TMSB15B: variants seen among roughly 807,000 people sequenced by gnomAD.
TMSB15B encodes thymosin beta-15B.
chrX:103,942,309 A>G (rs1556325614), intron 1 of TMSB15B, among the ~76,000 whole-genome samples: 1 of 111,821 alleles, frequency 8.9e-6, no homozygotes, highest in Non-Finnish European at 1.9e-5. Flanking sequence ...ATGAGAATAG[A>G]GGTCCAATGT....
At chrX:103,920,767 G>C (rs149830350) in intron 1 of TMSB15B, among the ~76,000 whole-genome samples, 3,833 of 112,194 alleles carry the variant, frequency 0.034, 176 homozygotes, top group African/African-American at 0.12. Context: ...CTCAAGGACA[G>C]GTTGCTAGGT....
intron 1 of TMSB15B, among the ~76,000 whole-genome samples, chrX:103,927,196 C>G (rs1464034527): frequency 6.3e-5 from 7 of 111,014 alleles, no homozygotes; most frequent in Admixed American, 1.9e-4. Flanking sequence ...AGTTTTGCCT[C>G]CCTGGGGACG....
At chrX:103,946,415 A>G (rs1280386043) in intron 1 of TMSB15B, among the ~76,000 whole-genome samples, 1 of 112,459 alleles carries the variant, frequency 8.9e-6, no homozygotes. Flanking sequence ...AAGAGTACGC[A>G]TAAATGCTTA....
At chrX:103,952,876 G>A (rs1556328532) in intron 1 of TMSB15B, among the ~76,000 whole-genome samples, 2 of 111,470 alleles carry the variant, frequency 1.8e-5, no homozygotes, top group Admixed American at 9.5e-5. Context: ...TTGCTCCTTC[G>A]CTGTGCTCAG....
chrX:103,945,228 G>A (rs2075022539), intron 1 of TMSB15B, among the ~76,000 whole-genome samples: 1 of 112,244 alleles, frequency 8.9e-6, no homozygotes, highest in Non-Finnish European at 1.9e-5. Context: ...CGTCCATTTT[G>A]TGTTGCTATA....
At chrX:103,946,615 A>G (rs782603605) in intron 1 of TMSB15B, among the ~76,000 whole-genome samples, 2 of 112,247 alleles carry the variant, frequency 1.8e-5, no homozygotes, top group Non-Finnish European at 3.8e-5. Flanking sequence ...CATATAGTAC[A>G]TACAGTAAAT....
chrX:103,952,022 A>G (rs1556328367), intron 1 of TMSB15B, among the ~76,000 whole-genome samples: 1 of 111,349 alleles, frequency 9.0e-6, no homozygotes. Context: ...GGACAATGTC[A>G]TGGAGGAGAA....
At chrX:103,951,500 G>A (rs1269325087) in intron 1 of TMSB15B, among the ~76,000 whole-genome samples, 1 of 111,993 alleles carries the variant, frequency 8.9e-6, no homozygotes, top group East Asian at 2.8e-4. Flanking sequence ...TAAGGGACAG[G>A]AGACCTGTAG....
At chrX:103,943,927 A>G (rs1478062123) in intron 1 of TMSB15B, among the ~76,000 whole-genome samples, 1 of 112,034 alleles carries the variant, frequency 8.9e-6, no homozygotes, top group African/African-American at 3.2e-5. Flanking sequence ...GTACTTATCA[A>G]CCTTGATGTA....
At chrX:103,923,068 C>A (rs782453509) in intron 1 of TMSB15B, among the ~76,000 whole-genome samples, 131 of 112,004 alleles carry the variant, frequency 1.2e-3, no homozygotes, top group South Asian at 2.2e-3. Context: ...TTTTCTTGTA[C>A]ATTTGTTTAG....
chrX:103,951,550 T>C (rs782604520), intron 1 of TMSB15B, among the ~76,000 whole-genome samples: 20 of 112,052 alleles, frequency 1.8e-4, no homozygotes, highest in African/African-American at 6.5e-4. Context: ...TTGGAGTTCA[T>C]GGTCATGAAG....
chrX:103,941,856 T>C (rs1294720255), intron 1 of TMSB15B, among the ~76,000 whole-genome samples: 1 of 112,222 alleles, frequency 8.9e-6, no homozygotes, highest in African/African-American at 3.2e-5. Flanking sequence ...TATAATTTGA[T>C]TTTCCTGATT....
intron 1 of TMSB15B, among the ~76,000 whole-genome samples, chrX:103,935,872 G>C (rs1556321504): frequency 1.1e-5 from 1 of 91,292 alleles, no homozygotes; most frequent in Admixed American, 1.2e-4. Flanking sequence ...TTGAGATGGA[G>C]TTTCACTCTT....
intron 1 of TMSB15B, among the ~76,000 whole-genome samples, chrX:103,937,686 T>G (rs2075001909): frequency 8.9e-6 from 1 of 111,811 alleles, no homozygotes; most frequent in African/African-American, 3.3e-5. Flanking sequence ...TGCTCTGATC[T>G]TAGTTATTTC....
chrX:103,932,743 A>G (rs2074987869), intron 1 of TMSB15B: 1 of 111,847 alleles, frequency 8.9e-6, no homozygotes, highest in Admixed American at 9.5e-5. Flanking sequence ...TTTTCAAGTA[A>G]TTTCAAATGT....
At chrX:103,934,298 T>C (rs1175423019) in intron 1 of TMSB15B, among the ~76,000 whole-genome samples, 1 of 111,384 alleles carries the variant, frequency 9.0e-6, no homozygotes, top group Non-Finnish European at 1.9e-5. Flanking sequence ...TAATGTCCTC[T>C]GAGCACATCT....
intron 1 of TMSB15B, among the ~76,000 whole-genome samples, chrX:103,940,731 C>G (rs1162832469): frequency 9.0e-6 from 1 of 110,786 alleles, no homozygotes; most frequent in East Asian, 2.8e-4. Context: ...ACAACAACAA[C>G]AGCAACAACA....
intron 1 of TMSB15B, among the ~76,000 whole-genome samples, chrX:103,920,552 C>T (rs1254735325): frequency 8.9e-6 from 1 of 112,452 alleles, no homozygotes; most frequent in African/African-American, 3.2e-5. Context: ...TTCCTACCCG[C>T]GGTCCTTCCT....
At chrX:103,921,348 C>A (rs1221434054) in intron 1 of TMSB15B, among the ~76,000 whole-genome samples, 17 of 112,168 alleles carry the variant, frequency 1.5e-4, no homozygotes, top group Non-Finnish European at 2.8e-4. Context: ...TGACATCTGA[C>A]TCTTGCCTCC....
Sources: gnomAD v4.1 joint callset for allele counts (sites outside exome capture counted in the v4.1 genomes callset) on GRCh38, gnomAD v4.1.1 for gene constraint, MANE v1.5 for transcripts, NCBI Gene and HGNC (gene_info 2026-07-23, HGNC 2026-07-21) for gene names.